Variants in HS6ST3 observed in about 807,000 individuals in gnomAD.
The protein encoded by HS6ST3 is heparan sulfate 6-O-sulfotransferase 3.
In HS6ST3, 12 loss-of-function variants were observed where a neutral mutation model predicts 36.7. The observed-to-expected ratio is 0.33, with a 90% confidence interval of 0.21 to 0.53. The LOEUF (loss-of-function observed/expected upper bound fraction) is 0.53, where lower values mean the gene tolerates loss of function less well. Ranked by LOEUF, HS6ST3 falls within the 20% of genes least tolerant of loss-of-function variation. HS6ST3 has a pLI of 0.95. For missense variants in HS6ST3, 584 were observed against 640.9 expected (o/e 0.91, Z 0.96); for synonymous variants, 240 against 257.5 (o/e 0.93, Z 0.65).
intron 1 of HS6ST3, among the ~76,000 whole-genome samples, chr13:96,416,720 C>G (rs1307688625): frequency 6.0e-5 from 9 of 150,624 alleles, no homozygotes; most frequent in Non-Finnish European, 1.2e-4. Flanking sequence ...AAGGGCTTGC[C>G]TGCTTGCTTA....
intron 1 of HS6ST3, among the ~76,000 whole-genome samples, chr13:96,563,438 G>C (rs539819999): frequency 2.0e-5 from 3 of 152,248 alleles, no homozygotes; most frequent in East Asian, 1.9e-4. Context: ...TTTGGTCTCT[G>C]CTCCTTTAGA....
intron 1 of HS6ST3, among the ~76,000 whole-genome samples, chr13:96,336,069 T>C (rs570218075): frequency 6.6e-6 from 1 of 152,318 alleles, no homozygotes; most frequent in South Asian, 2.1e-4. Flanking sequence ...TTTTGACTAA[T>C]TGGAAATGAT....
chr13:96,138,593 G>C (rs750098751), intron 1 of HS6ST3, among the ~76,000 whole-genome samples: 4 of 151,830 alleles, frequency 2.6e-5, no homozygotes, highest in Admixed American at 1.3e-4. Context: ...GTTTCCTTGC[G>C]TCACTTTAAA....
intron 1 of HS6ST3, among the ~76,000 whole-genome samples, chr13:96,484,246 A>G (rs1429851502): frequency 6.6e-6 from 1 of 152,078 alleles, no homozygotes; most frequent in Non-Finnish European, 1.5e-5. Flanking sequence ...GATCATTGCA[A>G]TCAAGCTGAT....
In HS6ST3 at chr13:96,541,580, C is replaced by T. The variant is rs552254592; in HGVS notation, c.708-290910C>T. Among the ~76,000 whole-genome samples, 56 of 152,192 alleles carry T rather than the reference C, an allele frequency of 3.7e-4. No individual in the cohort carries two copies. The Middle Eastern group carries it at 0.01, about 28-fold the overall frequency. ...TGAAATGACTATAATAAATTAACAACGTATATAGTGCCTGGGAGCTATGAT... is the reference window on the plus strand; with the variant it reads ...TGAAATGACTATAATAAATTAACAATGTATATAGTGCCTGGGAGCTATGAT... On this transcript the variant is annotated intron_variant, in intron 1 of 1. Transcript: ENST00000376705.
chr13:96,383,511 T>C (rs2055352131), intron 1 of HS6ST3, among the ~76,000 whole-genome samples: 1 of 152,086 alleles, frequency 6.6e-6, no homozygotes, highest in Non-Finnish European at 1.5e-5. Flanking sequence ...ATTATGAGAA[T>C]CTATCCTGAG....
chr13:96,202,173 T>C lies in HS6ST3; in HGVS notation c.707+110604T>C, dbSNP rs141027022. Among the ~76,000 whole-genome samples, 194 of 152,326 alleles carry C rather than the reference T, an allele frequency of 1.3e-3. 1 individual carries two copies. Among genetic ancestry groups the C allele is most frequent in the African/African-American group, 4.4e-3 (181 of 41,578 alleles). On this transcript the variant is annotated intron_variant, in intron 1 of 1. Coordinates refer to ENST00000376705, the MANE Select transcript of HS6ST3 (RefSeq NM_153456.4). ...TTTTAATGTCTTTTAAAAAATGAAT[T>C]GATCTGACACCAATGAAACTTTTTG...
At chr13:96,446,893 T>G (rs2055701709) in intron 1 of HS6ST3, among the ~76,000 whole-genome samples, 2 of 152,200 alleles carry the variant, frequency 1.3e-5, no homozygotes, top group East Asian at 1.9e-4. Flanking sequence ...GTGAGACTAT[T>G]ATCTACTTCA....
At chr13:96,454,705 A>G (rs931107336) in intron 1 of HS6ST3, among the ~76,000 whole-genome samples, 3 of 151,876 alleles carry the variant, frequency 2.0e-5, no homozygotes, top group African/African-American at 7.3e-5. Context: ...AGTCTGTTTG[A>G]CTGTGAGTCA....
At chr13:96,620,337 C>T (rs914687794) in intron 1 of HS6ST3, among the ~76,000 whole-genome samples, 41 of 148,600 alleles carry the variant, frequency 2.8e-4, no homozygotes, top group African/African-American at 1.0e-3. Flanking sequence ...ACTGTTAGAG[C>T]CCAAGAGGCT....
intron 1 of HS6ST3, among the ~76,000 whole-genome samples, chr13:96,486,446 C>T (rs1394800822): frequency 6.6e-6 from 1 of 152,216 alleles, no homozygotes; most frequent in African/African-American, 2.4e-5. Flanking sequence ...ACCACACTGT[C>T]TTCCACAATG....
intron 1 of HS6ST3, among the ~76,000 whole-genome samples, chr13:96,672,485 CCAA>C (rs1738885594): frequency 6.6e-6 from 1 of 152,144 alleles, no homozygotes; most frequent in Admixed American, 6.6e-5. Context: ...CCCTCCATCT[CCAA>C]CCTCAGCTGT....
intron 1 of HS6ST3, among the ~76,000 whole-genome samples, chr13:96,811,350 A>G (rs1211330349): frequency 1.3e-5 from 2 of 152,226 alleles, no homozygotes; most frequent in Admixed American, 6.5e-5. Flanking sequence ...TTCCTAAATC[A>G]TCTTTGAATC....
intron 1 of HS6ST3, among the ~76,000 whole-genome samples, chr13:96,635,316 A>G (rs116225246): frequency 2.2e-3 from 330 of 152,070 alleles, no homozygotes; most frequent in African/African-American, 7.8e-3. Flanking sequence ...TCAAGTCCCA[A>G]TGTCCTGCTG....
At chr13:96,205,779 ACT>A (rs1208582072) in intron 1 of HS6ST3, among the ~76,000 whole-genome samples, 2 of 152,114 alleles carry the variant, frequency 1.3e-5, no homozygotes, top group Middle Eastern at 3.2e-3. Flanking sequence ...CATGTTAAAA[ACT>A]CTCAGTAAAC....
chr13:96,416,867 C>T (rs1566355005), intron 1 of HS6ST3, among the ~76,000 whole-genome samples: 1 of 151,972 alleles, frequency 6.6e-6, no homozygotes, highest in Non-Finnish European at 1.5e-5. Flanking sequence ...ATTCTCTTGC[C>T]TCAGGCTCCC....
chr13:96,540,823 A>T (rs1378347714), intron 1 of HS6ST3, among the ~76,000 whole-genome samples: 1 of 152,188 alleles, frequency 6.6e-6, no homozygotes, highest in Non-Finnish European at 1.5e-5. Flanking sequence ...ATTAGATCTG[A>T]CACAGAGTCT....
At chr13:96,118,064 G>T (rs1282352595) in intron 1 of HS6ST3, among the ~76,000 whole-genome samples, 2 of 151,588 alleles carry the variant, frequency 1.3e-5, no homozygotes, top group Non-Finnish European at 2.9e-5. Context: ...TAGAGATGGG[G>T]TTTTACTATG....
intron 1 of HS6ST3, among the ~76,000 whole-genome samples, chr13:96,258,622 T>C (rs963626649): frequency 5.9e-5 from 9 of 152,172 alleles, no homozygotes; most frequent in Non-Finnish European, 8.8e-5. Flanking sequence ...GGCTCTTTCC[T>C]TTTACCTGCC....
Sources: gnomAD v4.1 joint callset for allele counts (sites outside exome capture counted in the v4.1 genomes callset) on GRCh38, gnomAD v4.1.1 for gene constraint, MANE v1.5 for transcripts, NCBI Gene and HGNC (gene_info 2026-07-23, HGNC 2026-07-21) for gene names.